Variants in ZNF226 observed in about 807,000 individuals in gnomAD.
ZNF226 encodes the protein Kruppel-associated box protein.
Under a neutral mutation model 11.4 loss-of-function variants are expected in ZNF226, and 6 were observed. The observed-to-expected ratio is 0.53, with a 90% CI of 0.29 to 1.04. ZNF226 has a LOEUF of 1.04. ZNF226 is among the 50% of genes least tolerant of loss of function. The pLI is 0.08. For synonymous variants in ZNF226, 350 were observed against 322.8 expected (o/e 1.08, Z -0.90); for missense variants, 1,058 against 956.5 (o/e 1.11, Z -1.40).
the ZNF226 span, among the ~76,000 whole-genome samples, chr19:44,197,790 G>C: frequency 6.6e-6 from 1 of 152,116 alleles, no homozygotes; most frequent in Non-Finnish European, 1.5e-5. Flanking sequence ...TGTGTGTATT[G>C]TGATTATCTT....
At chr19:44,178,191 T>A (rs1324652557), downstream of ZNF226, 4 of 155,458 alleles carry the variant, frequency 2.6e-5, no homozygotes. Flanking sequence ...TGTCTTGTGA[T>A]TAGATCCTGT....
chr19:44,196,037 GT>G, the ZNF226 span, among the ~76,000 whole-genome samples: 487 of 148,542 alleles, frequency 3.3e-3, 3 homozygotes, highest in Middle Eastern at 0.014. Flanking sequence ...GTACTTCATA[GT>G]TTTTTTTTTT....
At chr19:44,181,082 A>G (rs781478294), downstream of ZNF226, among the ~76,000 whole-genome samples, 20 of 152,180 alleles carry the variant, frequency 1.3e-4, no homozygotes, top group Non-Finnish European at 2.8e-4. Context: ...TTTGTGAACT[A>G]TCAAGTTTCA....
chr19:44,189,474 A>G, the ZNF226 span, among the ~76,000 whole-genome samples: 1 of 152,178 alleles, frequency 6.6e-6, no homozygotes, highest in East Asian at 1.9e-4. Flanking sequence ...ACCTTATTTA[A>G]CCAGTAGATA....
chr19:44,185,882 A>G, the ZNF226 span, among the ~76,000 whole-genome samples: 1 of 152,134 alleles, frequency 6.6e-6, no homozygotes, highest in East Asian at 1.9e-4. Context: ...TAGGATTTTA[A>G]CAGTTTTAGG....
chr19:44,167,055 C>A (rs745426432), intron 2 of ZNF226, among the ~76,000 whole-genome samples: 1 of 152,148 alleles, frequency 6.6e-6, no homozygotes, highest in Admixed American at 6.5e-5. Context: ...TGTCAAGTTT[C>A]TTTGCAAAAA....
At chr19:44,177,949 G>A, downstream of ZNF226, 1 of 307,658 alleles carries the variant, frequency 3.3e-6, no homozygotes, top group Non-Finnish European at 6.0e-6. Flanking sequence ...ACTCCATAAA[G>A]ACAGAAACTT....
intron 5 of ZNF226, 73 bp from the exon 6 acceptor site, chr19:44,175,425 C>G (rs1970584411): frequency 3.3e-6 from 5 of 1,504,094 alleles, no homozygotes; most frequent in Non-Finnish European, 4.4e-6. Context: ...GTCTTTTACT[C>G]TGTCCTCAGT....
chr19:44,179,090 G>A (rs755665546), downstream of ZNF226, among the ~76,000 whole-genome samples: 2 of 152,154 alleles, frequency 1.3e-5, no homozygotes, highest in African/African-American at 2.4e-5. Flanking sequence ...TGAGGCAGGA[G>A]AATCGCTTGA....
the ZNF226 span, among the ~76,000 whole-genome samples, chr19:44,196,910 G>A: frequency 4.6e-5 from 7 of 152,102 alleles, no homozygotes; most frequent in South Asian, 2.1e-4. Flanking sequence ...TAGTGATTCT[G>A]CTTCTCTGAT....
the ZNF226 span, among the ~76,000 whole-genome samples, chr19:44,183,599 A>G: frequency 1.3e-5 from 2 of 152,224 alleles, no homozygotes; most frequent in African/African-American, 4.8e-5. Context: ...CTGGTGATCA[A>G]TAGGGTGACA....
chr19:44,178,282 C>G (rs1369353822), downstream of ZNF226: 5 of 152,418 alleles, frequency 3.3e-5, no homozygotes, highest in Admixed American at 6.5e-5. Context: ...CATATAGATT[C>G]AATTATCTTT....
the ZNF226 span, among the ~76,000 whole-genome samples, chr19:44,196,701 G>A: frequency 6.6e-6 from 1 of 152,088 alleles, no homozygotes; most frequent in Admixed American, 6.5e-5. Flanking sequence ...TGTGACCAGG[G>A]CAGTCATTTT....
Position 44,175,880 on chromosome 19 carries a change from C to T in ZNF226, c.618C>T (p.Ile206=), listed in dbSNP as rs568712467. 562 of 1,612,886 alleles carry T rather than the reference C, an allele frequency of 3.5e-4. 12 individuals carry two copies. In the South Asian group the frequency reaches 5.7e-3, roughly 16 times the overall value. Reference sequence around the variant, plus strand: ...AATGTAAGAAGGGTGTTGATCCCATCGGTTGGATTTCACATCATGATGGTC... The same window carrying T: ...AATGTAAGAAGGGTGTTGATCCCATTGGTTGGATTTCACATCATGATGGTC... The part of the protein sequence containing the change: ...LCQCKKGVDP[I]GWISHHDGHR... Residue 206 remains isoleucine, a synonymous_variant, in exon 6 of 6, where the codon ATC becomes ATT. Transcript: ENST00000337433.
At chr19:44,182,740 G>A (rs185220751), downstream of ZNF226, among the ~76,000 whole-genome samples, 125 of 152,276 alleles carry the variant, frequency 8.2e-4, 1 homozygote, top group African/African-American at 2.8e-3. Flanking sequence ...AGCATTAGGG[G>A]TCAAGTGGAG....
At chr19:44,183,825 T>G in the ZNF226 span, among the ~76,000 whole-genome samples, 2 of 152,220 alleles carry the variant, frequency 1.3e-5, no homozygotes, top group African/African-American at 4.8e-5. Context: ...AATATGTGCC[T>G]TTTTCTCTAT....
chr19:44,182,927 T>A (rs1599744252), downstream of ZNF226, among the ~76,000 whole-genome samples: 3 of 152,176 alleles, frequency 2.0e-5, no homozygotes, highest in South Asian at 6.2e-4. Flanking sequence ...CTGGGTCTGG[T>A]AAATCAACAT....
intron 3 of ZNF226, 65 bp downstream of exon 3, chr19:44,170,160 GT>G: frequency 6.4e-7 from 1 of 1,559,786 alleles, no homozygotes; most frequent in Non-Finnish European, 8.7e-7. Flanking sequence ...ATGGAACCAG[GT>G]TTTTCTTTTT....
In ZNF226 at chr19:44,176,183, T is replaced by C. The variant is rs1568571751; in HGVS notation, c.921T>C (p.Leu307=). Residue 307 remains leucine, a synonymous_variant, in exon 6 of 6, where the codon CTT becomes CTC. Transcript: ENST00000337433. ...AGAAAGTACATGTGGGAGAAAAACT[T>C]AAGTGTGATGAGTGTGGTAAGGAAT... The part of the protein sequence containing the change: ...VHQKVHVGEK[L]KCDECGKEFS... The C allele has an allele frequency of 6.2e-7, 1 of 1,614,124 alleles. No homozygotes were observed. Among genetic ancestry groups the C allele is most frequent in the Non-Finnish European group, 8.5e-7 (1 of 1,180,014 alleles).
Sources: allele counts gnomAD v4.1 joint callset (sites outside exome capture counted in the v4.1 genomes callset), GRCh38; gene constraint gnomAD v4.1.1; transcripts MANE v1.5; gene names NCBI Gene and HGNC (gene_info 2026-07-23, HGNC 2026-07-21).